ALPK1: variants seen among roughly 807,000 people sequenced by gnomAD.
ALPK1 encodes the protein alpha kinase 1.
A neutral mutation model predicts 120.6 loss-of-function variants in ALPK1; 110 were observed. The ratio of observed to expected loss-of-function variants is 0.91; its 90% CI spans 0.78 to 1.07. The LOEUF is 1.07. Among genes scored for constraint, ALPK1 ranks in the 50% least tolerant of loss-of-function variants. The probability of loss-of-function intolerance (pLI) is 0.00; values close to 1 mark genes in which losing one functional copy is unlikely to be tolerated. For missense variants in ALPK1, 1,498 were observed against 1,483.9 expected, an observed-to-expected ratio of 1.01 and a Z score of -0.16; for synonymous variants, 582 against 560.3, an observed-to-expected ratio of 1.04 and a Z score of -0.55.
At chr4:112,413,773 A>G (rs1276033362) in intron 5 of ALPK1, among the ~76,000 whole-genome samples, 1 of 152,104 alleles carries the variant, frequency 6.6e-6, no homozygotes, top group African/African-American at 2.4e-5. Context: ...ATTTCTCTCA[A>G]GATTCTAACC....
In ALPK1 at chr4:112,432,443, A is replaced by T; in HGVS notation, c.2896A>T (p.Arg966Trp). The change falls in exon 11 of 16, where the codon AGG becomes TGG. Residue 966 changes from arginine to tryptophan, a missense_variant. Coordinates refer to ENST00000650871, the MANE Select transcript of ALPK1 (RefSeq NM_025144.4). Reference sequence around the variant, plus strand: ...TTGGGTTTCATTGCCGGGAAAGATGAGGAAAGAGATCCTTGAGGCTCGCAC... The same window carrying T: ...TTGGGTTTCATTGCCGGGAAAGATGTGGAAAGAGATCCTTGAGGCTCGCAC... ...SSWVSLPGKMRKEILEARTLQ... is the reference protein window; with the variant it reads ...SSWVSLPGKMWKEILEARTLQ... 6.2e-7 allele frequency: 1 copy of T among 1,614,122 alleles called. No homozygotes were observed. Among genetic ancestry groups the T allele is most frequent in the Non-Finnish European group, 8.5e-7 (1 of 1,180,018 alleles).
intron 4 of ALPK1, among the ~76,000 whole-genome samples, chr4:112,397,781 G>A (rs1001269097): frequency 6.6e-6 from 1 of 152,040 alleles, no homozygotes; most frequent in African/African-American, 2.4e-5. Context: ...GAATTACATG[G>A]GACATGTATG....
At chr4:112,423,423 A>G (rs1209801103) in intron 5 of ALPK1, among the ~76,000 whole-genome samples, 1 of 152,184 alleles carries the variant, frequency 6.6e-6, no homozygotes, top group Non-Finnish European at 1.5e-5. Context: ...AGAGAAAGGA[A>G]TGTTTGGTTA....
chr4:112,419,704 A>G (rs1733905414), intron 5 of ALPK1, among the ~76,000 whole-genome samples: 1 of 152,212 alleles, frequency 6.6e-6, no homozygotes, highest in South Asian at 2.1e-4. Context: ...TGCATGGCTG[A>G]AAATGGTCCC....
Position 112,441,936 on chromosome 4 carries a change from C to G in ALPK1, c.*726C>G, listed in dbSNP as rs569616449. On this transcript the variant is annotated 3_prime_UTR_variant, in exon 16 of 16. Transcript: ENST00000650871. ...CACTATGTGTATTAATCCACTCTCA[C>G]ACTGCTATGAAGAGATACCTGAGAC... 2 of 152,398 alleles carry G rather than the reference C, an allele frequency of 1.3e-5. No homozygotes were observed. The highest frequency in any genetic ancestry group is 4.8e-5 in the African/African-American group (2 of 41,558). The allele number at this position is 152,398 out of a possible 1,614,324, so 9.4% of individuals were successfully genotyped here.
chr4:112,423,048 G>A (rs929057549), intron 5 of ALPK1, among the ~76,000 whole-genome samples: 2 of 152,200 alleles, frequency 1.3e-5, no homozygotes, highest in South Asian at 2.1e-4. Context: ...CATTGCAAAC[G>A]AGCGTGAAGA....
intron 11 of ALPK1, among the ~76,000 whole-genome samples, chr4:112,434,824 T>G (rs1233853986): frequency 1.3e-5 from 2 of 152,062 alleles, no homozygotes; most frequent in Admixed American, 6.6e-5. Flanking sequence ...GTCTCTGGGG[T>G]TTTCTGATTT....
At chr4:112,366,743 C>T (rs927294722) in intron 2 of ALPK1, among the ~76,000 whole-genome samples, 1 of 152,186 alleles carries the variant, frequency 6.6e-6, no homozygotes, top group Non-Finnish European at 1.5e-5. Context: ...AAGATACTTG[C>T]ACATGCATGT....
chr4:112,372,807 C>T (rs1010552571), intron 2 of ALPK1, among the ~76,000 whole-genome samples: 7 of 152,148 alleles, frequency 4.6e-5, no homozygotes, highest in African/African-American at 1.2e-4. Context: ...CTGGTAACCA[C>T]AACCCTACTC....
Position 112,429,786 on chromosome 4 carries a change from G to A in ALPK1, c.900+533G>A, listed in dbSNP as rs1478928855. 1.2e-4 allele frequency among the ~76,000 whole-genome samples: 18 copies of A among 145,594 alleles called. No homozygotes were observed. In the Admixed American group the frequency reaches 1.3e-3, roughly 10 times the overall value. On this transcript the variant is annotated intron_variant, in intron 10 of 15. Coordinates refer to ENST00000650871, the MANE Select transcript of ALPK1 (RefSeq NM_025144.4). ...GCCTGGAAGGTTGAGTTTGCAGTGA[G>A]CTGAGATTGCACCACTGCACTCCAC...
At position 112,441,543 on chromosome 4, in the gene ALPK1, G is replaced by A. The variant is rs905820319; in HGVS notation, c.*333G>A. ...ACTATCTGTCAAGACTGATACTACT[G>A]GGGCTTTTCCTATTGATTTGGGAGT... On this transcript the variant is annotated 3_prime_UTR_variant, in exon 16 of 16. Coordinates refer to ENST00000650871, the MANE Select transcript of ALPK1 (RefSeq NM_025144.4). 1.4e-5 allele frequency: 4 copies of A among 281,286 alleles called. No individual in the cohort carries two copies. In the Admixed American group the frequency reaches 1.5e-4, roughly 10 times the overall value. The allele number at this position is 281,286 out of a possible 1,614,324, so 17.4% of individuals were successfully genotyped here.
At chr4:112,419,079 T>C (rs1733873658) in intron 5 of ALPK1, among the ~76,000 whole-genome samples, 2 of 152,180 alleles carry the variant, frequency 1.3e-5, no homozygotes, top group Non-Finnish European at 2.9e-5. Context: ...GAATACAAAG[T>C]CAATATTTTT....
In ALPK1 at chr4:112,423,420, G is replaced by A. The variant is rs545997452; in HGVS notation, c.476-524G>A. On this transcript the variant is annotated intron_variant, in intron 5 of 15. Coordinates refer to ENST00000650871, the MANE Select transcript of ALPK1 (RefSeq NM_025144.4). ...TAGGGCTTAGAGGAACCTAGAGAAA[G>A]GAATGTTTGGTTAAAAGGATAAATA... Among the ~76,000 whole-genome samples the A allele has an allele frequency of 2.0e-5, 3 of 152,292 alleles. No individual in the cohort carries two copies. The East Asian group carries it at 5.8e-4, about 29-fold the overall frequency.
At chr4:112,434,064 A>G (rs1291306938) in intron 11 of ALPK1, among the ~76,000 whole-genome samples, 1 of 152,210 alleles carries the variant, frequency 6.6e-6, no homozygotes, top group Admixed American at 6.5e-5. Flanking sequence ...ATTTCCAGCA[A>G]TAGGGTTTTC....
intron 9 of ALPK1, 44 bp downstream of exon 9, chr4:112,427,709 A>G (rs371765193): frequency 1.1e-5 from 16 of 1,423,558 alleles, no homozygotes; most frequent in East Asian, 9.2e-5. Flanking sequence ...AAAATTGTCA[A>G]TCGTGTCCTT....
At chr4:112,303,011 G>T (rs1727859502) in intron 1 of ALPK1, among the ~76,000 whole-genome samples, 1 of 152,090 alleles carries the variant, frequency 6.6e-6, no homozygotes, top group Admixed American at 6.6e-5. Flanking sequence ...ACACTATTAT[G>T]ATACTAACAC....
chr4:112,405,779 G>A (rs934353673), intron 4 of ALPK1, among the ~76,000 whole-genome samples: 23 of 152,054 alleles, frequency 1.5e-4, no homozygotes, highest in Non-Finnish European at 2.1e-4. Context: ...GTTTCACTAC[G>A]TTGGCCAGGC....
In ALPK1 at chr4:112,441,027, T is replaced by C; in HGVS notation, c.3649T>C (p.Phe1217Leu). ...TTTTGGAAAGAGAGGAATTTTTTAC[T>C]TCTTTAATAACCAGCATGTGGAATG... ...TNFGKRGIFY[F>L]FNNQHVECNE... is the part of the protein sequence containing the mutation. The change falls in exon 15 of 16, where the codon TTC (phenylalanine) becomes CTC (leucine). Residue 1217 changes from phenylalanine (F) to leucine (L), a missense_variant. Coordinates refer to ENST00000650871, the MANE Select transcript of ALPK1 (RefSeq NM_025144.4). 6.2e-7 allele frequency: 1 copy of C among 1,614,032 alleles called. No individual in the cohort carries two copies. Among genetic ancestry groups the C allele is most frequent in the South Asian group, 1.1e-5 (1 of 91,078 alleles).
At chr4:112,415,848 G>A (rs906268146) in intron 5 of ALPK1, among the ~76,000 whole-genome samples, 1 of 152,044 alleles carries the variant, frequency 6.6e-6, no homozygotes, top group Non-Finnish European at 1.5e-5. Flanking sequence ...TAGTAAGGGT[G>A]CCCAACTGCC....
Sources: gnomAD v4.1 joint callset for allele counts (sites outside exome capture counted in the v4.1 genomes callset) on GRCh38, gnomAD v4.1.1 for gene constraint, MANE v1.5 for transcripts, NCBI Gene and HGNC (gene_info 2026-07-23, HGNC 2026-07-21) for gene names.